Variants in MGST1 observed in about 807,000 individuals in gnomAD.
MGST1 encodes microsomal glutathione S-transferase 1.
A neutral mutation model predicts 8.9 loss-of-function variants in MGST1; 5 were observed. That is an observed-to-expected ratio of 0.56 (90% CI 0.29 to 1.19). The LOEUF is 1.19. Ranked by LOEUF, MGST1 falls within the 50% of genes most tolerant of loss-of-function variation. The pLI is 0.08. For missense variants in MGST1, 182 were observed against 187.4 expected (o/e 0.97, Z 0.17); for synonymous variants, 54 against 67.8 (o/e 0.80, Z 1.00).
chr12:16,450,332 A>G (rs1941118757), intron 4 of MGST1, among the ~76,000 whole-genome samples: 1 of 151,882 alleles, frequency 6.6e-6, no homozygotes, highest in Non-Finnish European at 1.5e-5. Context: ...GCCTCTCTGG[A>G]AAGCATGGTG....
exon 1 of MGST1, chr12:16,383,129 GCA>G (rs987987016): frequency 6.6e-6 from 1 of 152,648 alleles, no homozygotes; most frequent in African/African-American, 2.4e-5. Context: ...TTTGGCTCGT[GCA>G]CGGTGCACTG....
intron 4 of MGST1, among the ~76,000 whole-genome samples, chr12:16,499,675 G>A (rs563176693): frequency 9.9e-5 from 15 of 151,160 alleles, no homozygotes; most frequent in African/African-American, 3.2e-4. Flanking sequence ...CATTTGATTC[G>A]CTGTCTTATA....
intron 4 of MGST1, among the ~76,000 whole-genome samples, chr12:16,464,358 G>A (rs1941240813): frequency 6.6e-6 from 1 of 151,968 alleles, no homozygotes. Flanking sequence ...ATTTTCTGTT[G>A]TTTTTCTTCC....
intron 1 of MGST1, among the ~76,000 whole-genome samples, chr12:16,425,430 G>A (rs1378676514): frequency 2.6e-5 from 4 of 151,944 alleles, no homozygotes; most frequent in Non-Finnish European, 5.9e-5. Context: ...TTACAGATGT[G>A]AGCCACCAAT....
intron 1 of MGST1, among the ~76,000 whole-genome samples, chr12:16,411,498 A>G (rs148274398): frequency 1.3e-5 from 2 of 152,134 alleles, no homozygotes; most frequent in African/African-American, 4.8e-5. Context: ...TAGGTCAGAG[A>G]TCTCACATTC....
chr12:16,428,621 TGC>T (rs1221384883), intron 1 of MGST1, among the ~76,000 whole-genome samples: 1 of 152,022 alleles, frequency 6.6e-6, no homozygotes, highest in South Asian at 2.1e-4. Context: ...TATTTTACTT[TGC>T]TAAATATATT....
At position 16,513,448 on chromosome 12, in the gene MGST1, G is replaced by A. The variant is rs1347057313; in HGVS notation, n.483-76080G>A. 3 of 410,956 alleles carry A rather than the reference G, an allele frequency of 7.3e-6. No individual in the cohort carries two copies. Among genetic ancestry groups the A allele is most frequent in the Non-Finnish European group, 1.4e-5 (3 of 209,656 alleles). The allele number at this position is 410,956 out of a possible 1,614,324, so 25.5% of individuals were successfully genotyped here. A position where few individuals can be genotyped will look rare whatever the true frequency, so the allele number is the denominator to read the frequency against. The stretch of plus-strand genomic sequence containing the variant: ...CCGGGATCGCCGCCGCCTTCCACCC[G>A]GGCTCGCCTCTGATGCCCCTGCCAG... On this transcript the variant is annotated intron_variant and non_coding_transcript_variant, in intron 4 of 4. Transcript: ENST00000538857. This position sits in a 1 kb window ranked among gnomAD's most constrained non-coding sequence, Gnocchi z 4.2.
intron 4 of MGST1, among the ~76,000 whole-genome samples, chr12:16,565,425 T>C (rs541653859): frequency 1.5e-4 from 23 of 152,334 alleles, no homozygotes; most frequent in African/African-American, 5.5e-4. Flanking sequence ...TCAATTCTTT[T>C]GTTTTCAACT....
At position 16,559,924 on chromosome 12, in the gene MGST1, C is replaced by T. The variant is rs991126999; in HGVS notation, n.483-29604C>T. Among the ~76,000 whole-genome samples, 38 of 151,924 alleles carry T rather than the reference C, an allele frequency of 2.5e-4. No individual in the cohort carries two copies. Among genetic ancestry groups the T allele is most frequent in the African/African-American group, 4.1e-4 (17 of 41,336 alleles). Reference sequence around the variant, plus strand: ...TGCATGAGCCATGTTAGTGCCACTGCGCTCTAGGCTGGGTGACAGAACCAG... The same window carrying T: ...TGCATGAGCCATGTTAGTGCCACTGTGCTCTAGGCTGGGTGACAGAACCAG... On this transcript the variant is annotated intron_variant and non_coding_transcript_variant, in intron 4 of 4. Transcript: ENST00000538857. The surrounding 1 kb of genome is among the most constrained non-coding windows in gnomAD (Gnocchi z 4.1).
At chr12:16,411,900 G>A (rs78155166) in intron 1 of MGST1, among the ~76,000 whole-genome samples, 1 of 152,190 alleles carries the variant, frequency 6.6e-6, no homozygotes, top group African/African-American at 2.4e-5. Context: ...AGTTAGATAA[G>A]TTCTCTACAC....
chr12:16,369,349 G>A (rs1388174987), downstream of MGST1, among the ~76,000 whole-genome samples: 2 of 152,172 alleles, frequency 1.3e-5, no homozygotes, highest in Non-Finnish European at 2.9e-5. This position sits in a 1 kb window ranked among gnomAD's most constrained non-coding sequence, Gnocchi z 4.8. Context: ...GGGTTGGGCT[G>A]ATCTTGACTG....
chr12:16,552,442 A>T (rs1942025199), intron 4 of MGST1, among the ~76,000 whole-genome samples: 1 of 152,030 alleles, frequency 6.6e-6, no homozygotes, highest in Admixed American at 6.5e-5. Context: ...ATGTTTTGTG[A>T]AGTTGAAGGT....
chr12:16,512,280 A>C lies in MGST1; in HGVS notation n.483-77248A>C, dbSNP rs1490776609. The stretch of plus-strand genomic sequence containing the variant: ...AGAGATTTGTACTTGGTAGCAGTAA[A>C]AAAAATTCCAATAAACATTGTTTTC... On this transcript the variant is annotated intron_variant and non_coding_transcript_variant, in intron 4 of 4. Coordinates refer to the MGST1 transcript ENST00000538857. 4.6e-5 allele frequency among the ~76,000 whole-genome samples: 7 copies of C among 152,260 alleles called. No individual in the cohort carries two copies. In the East Asian group the frequency reaches 1.2e-3, roughly 25 times the overall value.
At chr12:16,515,024 G>T (rs774974953) in intron 4 of MGST1, among the ~76,000 whole-genome samples, 2 of 152,042 alleles carry the variant, frequency 1.3e-5, no homozygotes, top group South Asian at 2.1e-4. Context: ...ATAGAGTTCG[G>T]GTTCCTCATG....
chr12:16,441,180 T>A (rs1026583510), downstream of MGST1, among the ~76,000 whole-genome samples: 5 of 151,814 alleles, frequency 3.3e-5, no homozygotes, highest in Non-Finnish European at 7.4e-5. Context: ...ATTTACTTTA[T>A]TTTTTAGAGC....
intron 1 of MGST1, chr12:16,400,168 T>C: frequency 8.2e-7 from 1 of 1,223,258 alleles, no homozygotes. Context: ...CATATGTTGA[T>C]GTTTCCCTAA....
downstream of MGST1, among the ~76,000 whole-genome samples, chr12:16,593,306 T>C (rs1943549777): frequency 6.6e-6 from 1 of 151,838 alleles, no homozygotes; most frequent in South Asian, 2.1e-4. This position sits in a 1 kb window ranked among gnomAD's most constrained non-coding sequence, Gnocchi z 4.2. Context: ...TGGAGAGTTT[T>C]AATATTAAAT....
intron 1 of MGST1, among the ~76,000 whole-genome samples, chr12:16,403,102 G>A (rs568196280): frequency 7.3e-5 from 11 of 151,704 alleles, no homozygotes; most frequent in South Asian, 2.1e-4. Context: ...TTTCAACTTC[G>A]TAATATGAAT....
intron 4 of MGST1, among the ~76,000 whole-genome samples, chr12:16,528,774 G>C (rs1941704599): frequency 6.6e-6 from 1 of 152,006 alleles, no homozygotes; most frequent in African/African-American, 2.4e-5. Flanking sequence ...AACAAATGCA[G>C]TAGTTTACCA....
Sources: allele counts gnomAD v4.1 joint callset (sites outside exome capture counted in the v4.1 genomes callset), GRCh38; gene constraint gnomAD v4.1.1; non-coding constraint Gnocchi (gnomAD v3.1); transcripts MANE v1.5; gene names NCBI Gene and HGNC (gene_info 2026-07-23, HGNC 2026-07-21).